Variants in PRKN observed in about 807,000 individuals in gnomAD.
The protein encoded by PRKN is parkin RBR E3 ubiquitin protein ligase, also known as E3 ubiquitin-protein ligase parkin.
PRKN carries 56 observed loss-of-function variants against 59.5 expected under a neutral mutation model. The observed-to-expected ratio is 0.94, with a 90% CI of 0.76 to 1.18. The LOEUF (loss-of-function observed/expected upper bound fraction) is 1.18, where lower values mean the gene tolerates loss of function less well. PRKN is among the 50% of genes most tolerant of loss of function. PRKN has a pLI of 0.00. For synonymous variants in PRKN, 250 were observed against 222.1 expected, an observed-to-expected ratio of 1.13 and a Z score of -1.12; for missense variants, 657 against 596.4, an observed-to-expected ratio of 1.10 and a Z score of -1.06.
intron 7 of PRKN, among the ~76,000 whole-genome samples, chr6:161,735,943 T>C (rs533500478): frequency 1.3e-5 from 2 of 152,110 alleles, no homozygotes; most frequent in East Asian, 1.9e-4. Flanking sequence ...AGTGAGACTA[T>C]AAAAATCTAT....
intron 4 of PRKN, among the ~76,000 whole-genome samples, chr6:162,131,289 CA>C (rs762170560): frequency 2.6e-5 from 4 of 152,182 alleles, no homozygotes; most frequent in Non-Finnish European, 5.9e-5. Context: ...AAACTTTTCA[CA>C]GGGCAAATAA....
At chr6:162,651,733 C>T (rs989823771) in intron 1 of PRKN, among the ~76,000 whole-genome samples, 10 of 152,114 alleles carry the variant, frequency 6.6e-5, no homozygotes, top group Non-Finnish European at 2.9e-5. Context: ...AGAGAGTGCT[C>T]TAACTCAAGC....
At chr6:162,209,388 T>A (rs1785094262) in intron 3 of PRKN, among the ~76,000 whole-genome samples, 1 of 152,010 alleles carries the variant, frequency 6.6e-6, no homozygotes, top group Non-Finnish European at 1.5e-5. Context: ...GAAATGTAAA[T>A]CAAAACCACA....
chr6:162,490,904 AG>A (rs1792780076), intron 1 of PRKN, among the ~76,000 whole-genome samples: 1 of 152,084 alleles, frequency 6.6e-6, no homozygotes, highest in African/African-American at 2.4e-5. Flanking sequence ...GAAGCCAAGG[AG>A]GGTGGATCAC....
intron 1 of PRKN, among the ~76,000 whole-genome samples, chr6:162,593,037 G>C (rs1781369597): frequency 6.6e-6 from 1 of 152,022 alleles, no homozygotes; most frequent in African/African-American, 2.4e-5. Flanking sequence ...ATGACAACCA[G>C]ACCAAGGAGA....
chr6:162,374,531 AT>A (rs1785948648), intron 2 of PRKN, among the ~76,000 whole-genome samples: 1 of 151,104 alleles, frequency 6.6e-6, no homozygotes, highest in Admixed American at 6.6e-5. Context: ...TGTTTTATTT[AT>A]TTATTTGTTT....
At chr6:162,471,568 A>C (rs1791749886) in intron 1 of PRKN, among the ~76,000 whole-genome samples, 1 of 152,216 alleles carries the variant, frequency 6.6e-6, no homozygotes, top group Non-Finnish European at 1.5e-5. Context: ...TTATACTGCA[A>C]TTATTAATAA....
At chr6:161,594,256 A>G (rs982029694) in intron 7 of PRKN, among the ~76,000 whole-genome samples, 2 of 152,170 alleles carry the variant, frequency 1.3e-5, no homozygotes, top group African/African-American at 4.8e-5. Flanking sequence ...GAAATCAACA[A>G]AAATTGGTTC....
rs773645474 is a variant in PRKN, at chr6:161,625,666, G to A, written c.872-56250C>T. Among the ~76,000 whole-genome samples the A allele has an allele frequency of 6.9e-4, 105 of 152,168 alleles. 1 individual carries two copies. Among genetic ancestry groups the A allele is most frequent in the African/African-American group, 1.8e-3 (73 of 41,438 alleles). On this transcript the variant is annotated intron_variant, in intron 7 of 11. Coordinates refer to ENST00000366898, the MANE Select transcript of PRKN (RefSeq NM_004562.3). Reference sequence around the variant, plus strand: ...CGCAGAGGAGCAATGTGGCGGCTACGTAGAACCACTTCTTAAAGGGGAGAG... The same window carrying A: ...CGCAGAGGAGCAATGTGGCGGCTACATAGAACCACTTCTTAAAGGGGAGAG...
At chr6:162,128,690 G>A (rs1781222962) in intron 4 of PRKN, among the ~76,000 whole-genome samples, 1 of 152,202 alleles carries the variant, frequency 6.6e-6, no homozygotes, top group South Asian at 2.1e-4. Context: ...AATCCCCAAT[G>A]TGATAGCATT....
At chr6:161,508,062 C>A (rs1380126558) in intron 9 of PRKN, among the ~76,000 whole-genome samples, 1 of 152,158 alleles carries the variant, frequency 6.6e-6, no homozygotes, top group Non-Finnish European at 1.5e-5. Context: ...AAGTATCGCA[C>A]ACGTTAGGCA....
chr6:162,009,656 C>A (rs1254291729), intron 5 of PRKN, among the ~76,000 whole-genome samples: 1 of 151,894 alleles, frequency 6.6e-6, no homozygotes, highest in African/African-American at 2.4e-5. Context: ...CCTCTCGCGG[C>A]TGGGCATGGT....
At position 162,699,647 on chromosome 6, in the gene PRKN, T is replaced by C. The variant is rs146019268; in HGVS notation, c.7+28015A>G. On this transcript the variant is annotated intron_variant, in intron 1 of 11. Coordinates refer to ENST00000366898, the MANE Select transcript of PRKN (RefSeq NM_004562.3). The stretch of plus-strand genomic sequence containing the variant: ...ATAAAAGTGTCTCCAATATTTTAAG[T>C]CTCAATGACTGAAAGAATGGTGAAG... Among the ~76,000 whole-genome samples the C allele has an allele frequency of 3.5e-3, 529 of 152,292 alleles. 2 individuals are homozygous for C. The highest frequency in any genetic ancestry group is 6.0e-3 in the Non-Finnish European group (405 of 68,026).
At chr6:161,426,714 A>C (rs1214139755) in intron 9 of PRKN, among the ~76,000 whole-genome samples, 1 of 146,338 alleles carries the variant, frequency 6.8e-6, no homozygotes, top group Non-Finnish European at 1.5e-5. Context: ...ACCCTAATAT[A>C]GTTATTTATT....
chr6:161,623,735 T>C (rs1433648696), intron 7 of PRKN, among the ~76,000 whole-genome samples: 1 of 152,198 alleles, frequency 6.6e-6, no homozygotes, highest in South Asian at 2.1e-4. Flanking sequence ...TGAAACTACA[T>C]TGGTTTTGCA....
chr6:161,928,027 C>T (rs987414959), intron 6 of PRKN, among the ~76,000 whole-genome samples: 8 of 152,096 alleles, frequency 5.3e-5, no homozygotes, highest in African/African-American at 1.7e-4. Flanking sequence ...CCCTGGGAGA[C>T]GGGGCCTTTG....
rs1486499736 is a variant in PRKN, at chr6:161,578,868, A to T, written c.872-9452T>A. On this transcript the variant is annotated intron_variant, in intron 7 of 11. Transcript: ENST00000366898. The surrounding 1 kb of genome is among the most constrained non-coding windows in gnomAD (Gnocchi z 4.2). ...AACTTAAATATTTTGAATTGTGTGTATATTCTTGGCGCTTTGCCTTCACCT... is the reference window on the plus strand; with the variant it reads ...AACTTAAATATTTTGAATTGTGTGTTTATTCTTGGCGCTTTGCCTTCACCT... 6.6e-6 allele frequency among the ~76,000 whole-genome samples: 1 copy of T among 152,252 alleles called. No homozygotes were observed. Among genetic ancestry groups the T allele is most frequent in the African/African-American group, 2.4e-5 (1 of 41,470 alleles).
intron 6 of PRKN, among the ~76,000 whole-genome samples, chr6:161,833,723 G>A (rs1792614431): frequency 6.6e-6 from 1 of 152,100 alleles, no homozygotes; most frequent in Admixed American, 6.5e-5. Flanking sequence ...CTCACTGTAT[G>A]GATAAGTAAG....
chr6:162,362,241 A>G (rs1657887042), intron 2 of PRKN, among the ~76,000 whole-genome samples: 1 of 152,210 alleles, frequency 6.6e-6, no homozygotes, highest in South Asian at 2.1e-4. Flanking sequence ...TGAAAAATCA[A>G]ATCATCTCAA....
Sources: allele counts gnomAD v4.1 joint callset (sites outside exome capture counted in the v4.1 genomes callset), GRCh38; gene constraint gnomAD v4.1.1; non-coding constraint Gnocchi (gnomAD v3.1); transcripts MANE v1.5; gene names NCBI Gene and HGNC (gene_info 2026-07-23, HGNC 2026-07-21).